The following MAP3K20 variants were observed in gnomAD, a reference collection of about 807,000 sequenced individuals.
The protein encoded by MAP3K20 is mitogen-activated protein kinase kinase kinase 20.
In MAP3K20, 40 loss-of-function variants were observed where a neutral mutation model predicts 85.7. The ratio of observed to expected loss-of-function variants is 0.47; its 90% CI spans 0.36 to 0.61. MAP3K20 has a LOEUF of 0.61. Ranked by LOEUF, MAP3K20 falls within the 20% of genes least tolerant of loss-of-function variation. MAP3K20 has a pLI of 0.00. For missense variants in MAP3K20, 817 were observed against 961.7 expected, an observed-to-expected ratio of 0.85 and a Z score of 1.99; for synonymous variants, 325 against 327.7, an observed-to-expected ratio of 0.99 and a Z score of 0.09.
intron 14 of MAP3K20, among the ~76,000 whole-genome samples, chr2:173,235,727 G>C (rs1256659180): frequency 6.6e-6 from 1 of 152,168 alleles, no homozygotes; most frequent in African/African-American, 2.4e-5. Flanking sequence ...TTAATTTTGT[G>C]GTATGTGAAT....
chr2:173,163,526 C>G (rs112511245), intron 2 of MAP3K20, among the ~76,000 whole-genome samples: 1 of 151,942 alleles, frequency 6.6e-6, no homozygotes, highest in Non-Finnish European at 1.5e-5. Context: ...CAATCTTGTT[C>G]TTTTTTATGG....
At chr2:173,118,581 G>T (rs1688191154) in intron 2 of MAP3K20, among the ~76,000 whole-genome samples, 1 of 152,120 alleles carries the variant, frequency 6.6e-6, no homozygotes, top group African/African-American at 2.4e-5. Flanking sequence ...TCCAGCTTTG[G>T]TGTTCACAAG....
At chr2:173,265,964 C>T in intron 19 of MAP3K20, 86 bp from the exon 20 acceptor site, 1 of 1,366,642 alleles carries the variant, frequency 7.3e-7, no homozygotes, top group African/African-American at 1.4e-5. Context: ...TCCCAAACAG[C>T]CCTGAATTAT....
At chr2:173,166,017 ACTGT>A (rs1689809765) in intron 2 of MAP3K20, among the ~76,000 whole-genome samples, 2 of 152,084 alleles carry the variant, frequency 1.3e-5, no homozygotes, top group Admixed American at 1.3e-4. Context: ...ACCCATCACC[ACTGT>A]CTGTTTACAA....
chr2:173,112,758 A>G (rs1378288758), intron 2 of MAP3K20, among the ~76,000 whole-genome samples: 1 of 152,106 alleles, frequency 6.6e-6, no homozygotes, highest in Non-Finnish European at 1.5e-5. Context: ...TATCCCTGTT[A>G]TGAAATCCAC....
intron 2 of MAP3K20, among the ~76,000 whole-genome samples, chr2:173,124,645 G>C (rs559897877): frequency 6.6e-6 from 1 of 152,204 alleles, no homozygotes. Flanking sequence ...TGACATGCCA[G>C]AACTTGTTCA....
intron 12 of MAP3K20, among the ~76,000 whole-genome samples, chr2:173,231,931 T>C (rs917014578): frequency 1.3e-5 from 2 of 152,130 alleles, no homozygotes; most frequent in Non-Finnish European, 2.9e-5. Flanking sequence ...AAGAACCCTC[T>C]TGAAAGGATT....
intron 1 of MAP3K20, among the ~76,000 whole-genome samples, chr2:173,082,911 A>G (rs3769204): frequency 2.6e-5 from 4 of 152,248 alleles, no homozygotes; most frequent in Non-Finnish European, 4.4e-5. Flanking sequence ...CACCAACTAC[A>G]TTCCTGTGCC....
At chr2:173,237,891 T>C (rs1300273614) in intron 14 of MAP3K20, among the ~76,000 whole-genome samples, 1 of 152,178 alleles carries the variant, frequency 6.6e-6, no homozygotes, top group Non-Finnish European at 1.5e-5. Flanking sequence ...AATGTCTTCT[T>C]TCTTGGCCTC....
At chr2:173,116,512 T>G (rs1688128374) in intron 2 of MAP3K20, among the ~76,000 whole-genome samples, 1 of 152,216 alleles carries the variant, frequency 6.6e-6, no homozygotes, top group African/African-American at 2.4e-5. Context: ...AAACATTAGT[T>G]TCATTTTTTC....
At chr2:173,094,518 A>T (rs750245334) in intron 2 of MAP3K20, among the ~76,000 whole-genome samples, 9 of 152,218 alleles carry the variant, frequency 5.9e-5, no homozygotes, top group Admixed American at 1.3e-4. Flanking sequence ...CCAATCCAGG[A>T]TCGTATATTG....
At chr2:173,208,531 G>T (rs547151549) in intron 9 of MAP3K20, among the ~76,000 whole-genome samples, 1 of 152,202 alleles carries the variant, frequency 6.6e-6, no homozygotes, top group East Asian at 1.9e-4. Flanking sequence ...TTATTAGAAG[G>T]CTTAATATAT....
In MAP3K20 at chr2:173,198,888, T is replaced by C. The variant is rs776949269; in HGVS notation, c.669+776T>C. 32 of 152,618 alleles carry C rather than the reference T, an allele frequency of 2.1e-4. No homozygotes were observed. Among genetic ancestry groups the C allele is most frequent in the Admixed American group, 1.0e-3 (16 of 15,286 alleles). The allele number at this position is 152,618 out of a possible 1,614,324, so 9.5% of individuals were successfully genotyped here. ...CAACTACATTTTGAAAGGTTTAAAA[T>C]TGTGACTGAAACGCACAGCCATGGA... On this transcript the variant is annotated intron_variant, in intron 8 of 19. Coordinates refer to ENST00000375213, the MANE Select transcript of MAP3K20 (RefSeq NM_016653.3). The surrounding 1 kb of genome is among the most constrained non-coding windows in gnomAD (Gnocchi z 5.8).
intron 2 of MAP3K20, among the ~76,000 whole-genome samples, chr2:173,115,911 C>T (rs906733405): frequency 6.6e-6 from 1 of 151,814 alleles, no homozygotes. Flanking sequence ...GCAGGCTTAA[C>T]CAGAAACATG....
intron 1 of MAP3K20, among the ~76,000 whole-genome samples, chr2:173,086,716 G>C (rs1447720126): frequency 6.6e-6 from 1 of 152,156 alleles, no homozygotes; most frequent in Admixed American, 6.5e-5. Context: ...GGCACCCTTA[G>C]GTCAGTGTCA....
intron 1 of MAP3K20, among the ~76,000 whole-genome samples, chr2:173,084,349 A>G (rs1157728681): frequency 6.6e-6 from 1 of 151,832 alleles, no homozygotes; most frequent in African/African-American, 2.4e-5. Flanking sequence ...GAAGGAGGGG[A>G]TGCTCCAGCA....
intron 11 of MAP3K20, chr2:173,222,661 A>G (rs1574132091): frequency 4.1e-6 from 4 of 985,050 alleles, no homozygotes; most frequent in Non-Finnish European, 4.8e-6. Flanking sequence ...AGGAAATTAA[A>G]TATTATAAAA....
intron 2 of MAP3K20, among the ~76,000 whole-genome samples, chr2:173,129,585 C>T (rs1264051318): frequency 1.3e-5 from 2 of 152,150 alleles, no homozygotes; most frequent in African/African-American, 4.8e-5. Context: ...TCAATAATTG[C>T]CAGAGATCAT....
chr2:173,222,790 A>T, intron 11 of MAP3K20: 1 of 985,424 alleles, frequency 1.0e-6, no homozygotes, highest in South Asian at 4.7e-5. Context: ...GGTGTTTTAG[A>T]AGTAGATACA....
Sources: allele counts gnomAD v4.1 joint callset (sites outside exome capture counted in the v4.1 genomes callset), GRCh38; gene constraint gnomAD v4.1.1; non-coding constraint Gnocchi (gnomAD v3.1); transcripts MANE v1.5; gene names NCBI Gene and HGNC (gene_info 2026-07-23, HGNC 2026-07-21).